The following DIPK1A variants were observed in gnomAD, a reference collection of about 807,000 sequenced individuals.
DIPK1A encodes divergent protein kinase domain 1A, also known as family with sequence similarity 69 member A.
In DIPK1A, 27 loss-of-function variants were observed where a neutral mutation model predicts 40.8. The observed-to-expected ratio is 0.66, with a 90% CI of 0.49 to 0.91. The LOEUF (loss-of-function observed/expected upper bound fraction) is 0.91, where lower values mean the gene tolerates loss of function less well. DIPK1A is among the 40% of genes least tolerant of loss of function. DIPK1A has a pLI of 0.00. For missense variants in DIPK1A, 412 were observed against 505.7 expected, an observed-to-expected ratio of 0.81 and a Z score of 1.78; for synonymous variants, 166 against 171.3, an observed-to-expected ratio of 0.97 and a Z score of 0.24.
intron 2 of DIPK1A, among the ~76,000 whole-genome samples, chr1:92,852,449 G>A (rs755831046): frequency 3.3e-5 from 5 of 150,840 alleles, no homozygotes; most frequent in Admixed American, 2.0e-4. Flanking sequence ...GCAGTGAGCC[G>A]AGATCACACC....
At chr1:92,887,254 T>TAAAAAA (rs60399090) in intron 1 of DIPK1A, among the ~76,000 whole-genome samples, 1 of 106,924 alleles carries the variant, frequency 9.4e-6, no homozygotes, top group African/African-American at 3.7e-5. Context: ...CCATCTCTAC[T>TAAAAAA]AAAAAAAAAA....
At chr1:92,902,409 A>T (rs1399165070) in intron 1 of DIPK1A, among the ~76,000 whole-genome samples, 3 of 152,118 alleles carry the variant, frequency 2.0e-5, no homozygotes. Flanking sequence ...TCAGGGATGA[A>T]GGGGAGCTGT....
chr1:92,889,591 T>A (rs1028403502), intron 1 of DIPK1A, among the ~76,000 whole-genome samples: 2 of 152,172 alleles, frequency 1.3e-5, no homozygotes, highest in African/African-American at 4.8e-5. Context: ...TTTGGTAGTA[T>A]GGTCAAGTTA....
intron 2 of DIPK1A, among the ~76,000 whole-genome samples, chr1:92,853,084 C>T (rs565556640): frequency 7.3e-5 from 11 of 151,292 alleles, no homozygotes; most frequent in South Asian, 6.3e-4. Flanking sequence ...CTTTGGAGGA[C>T]AAGGTTGAGA....
intron 4 of DIPK1A, chr1:92,833,492 C>G (rs370327480): frequency 4.3e-6 from 7 of 1,612,324 alleles, no homozygotes; most frequent in Non-Finnish European, 5.9e-6. Context: ...CAATATTAAT[C>G]TGCTTTGCAG....
chr1:92,894,232 A>G (rs1239518207), intron 1 of DIPK1A, among the ~76,000 whole-genome samples: 1 of 152,126 alleles, frequency 6.6e-6, no homozygotes, highest in East Asian at 1.9e-4. Context: ...ACCTATTCCA[A>G]AACTGACCAC....
intron 1 of DIPK1A, among the ~76,000 whole-genome samples, chr1:92,888,656 T>G (rs1337500879): frequency 6.6e-6 from 1 of 152,202 alleles, no homozygotes; most frequent in Non-Finnish European, 1.5e-5. Context: ...ACAAACAGTG[T>G]AAGAGAGTTC....
At chr1:92,952,326 G>A (rs1651666695) in intron 1 of DIPK1A, among the ~76,000 whole-genome samples, 1 of 152,104 alleles carries the variant, frequency 6.6e-6, no homozygotes. Context: ...TTACCCTAAA[G>A]GCTTTAGTTT....
chr1:92,882,244 T>C (rs924577960), intron 1 of DIPK1A, among the ~76,000 whole-genome samples: 1 of 152,122 alleles, frequency 6.6e-6, no homozygotes, highest in African/African-American at 2.4e-5. Context: ...AAAAATTAGC[T>C]GGGCATGATG....
chr1:92,836,342 T>A, intron 4 of DIPK1A: 3 of 1,614,132 alleles, frequency 1.9e-6, no homozygotes, highest in Non-Finnish European at 8.5e-7. Context: ...GCAATAAAGT[T>A]TTTGGTGCCC....
downstream of DIPK1A, chr1:92,841,797 A>G: frequency 6.2e-7 from 1 of 1,611,728 alleles, no homozygotes; most frequent in Non-Finnish European, 8.5e-7. Flanking sequence ...CCTTGCTCAG[A>G]AGAAGGATCG....
rs1359312516 is a variant in DIPK1A, at chr1:92,833,466, C to CA, written c.475-433dup. On this transcript the variant is annotated intron_variant, in intron 4 of 4. Transcript: ENST00000615519. Reference sequence around the variant, plus strand: ...AATTTAGAAGACGACGAGGTACTGTCACCTTTTTGTGTTTACAATATTAAT... The same window carrying CA: ...AATTTAGAAGACGACGAGGTACTGTCAACCTTTTTGTGTTTACAATATTAAT... 2 of 1,613,638 alleles carry CA rather than the reference C, an allele frequency of 1.2e-6. No individual in the cohort carries two copies. The highest frequency in any genetic ancestry group is 1.7e-6 in the Non-Finnish European group (2 of 1,179,708).
At chr1:92,922,585 T>C (rs1475511868) in intron 1 of DIPK1A, among the ~76,000 whole-genome samples, 1 of 152,208 alleles carries the variant, frequency 6.6e-6, no homozygotes, top group African/African-American at 2.4e-5. Flanking sequence ...ATGAGGATTC[T>C]AAGAACTCGG....
intron 1 of DIPK1A, among the ~76,000 whole-genome samples, chr1:92,885,583 T>C (rs2100791999): frequency 6.6e-6 from 1 of 152,332 alleles, no homozygotes; most frequent in Non-Finnish European, 1.5e-5. Flanking sequence ...CTCTAACTGC[T>C]GACCTCAGGT....
chr1:92,895,284 C>T (rs1649108056), intron 1 of DIPK1A, among the ~76,000 whole-genome samples: 1 of 152,038 alleles, frequency 6.6e-6, no homozygotes, highest in African/African-American at 2.4e-5. Context: ...AATCCAGCAG[C>T]ACATCAAAAA....
chr1:92,864,313 C>T (rs1647434607), intron 2 of DIPK1A, among the ~76,000 whole-genome samples: 1 of 152,142 alleles, frequency 6.6e-6, no homozygotes, highest in South Asian at 2.1e-4. Flanking sequence ...TAAACCATTA[C>T]CCAACAAATC....
intron 1 of DIPK1A, among the ~76,000 whole-genome samples, chr1:92,938,034 A>G (rs1305339353): frequency 6.6e-6 from 1 of 152,250 alleles, no homozygotes; most frequent in East Asian, 1.9e-4. Context: ...AAAATTAAAA[A>G]GGCATTAGAA....
At chr1:92,887,175 T>C (rs1648648177) in intron 1 of DIPK1A, among the ~76,000 whole-genome samples, 1 of 148,268 alleles carries the variant, frequency 6.7e-6, no homozygotes, top group South Asian at 2.1e-4. Flanking sequence ...TCCAGCACTT[T>C]AGGAGGCCAA....
intron 1 of DIPK1A, among the ~76,000 whole-genome samples, chr1:92,916,590 C>T (rs769348350): frequency 1.3e-4 from 20 of 152,200 alleles, no homozygotes; most frequent in Non-Finnish European, 2.4e-4. Context: ...GCATGAGCCA[C>T]TGCACCCGGC....
Sources: gnomAD v4.1 joint callset for allele counts (sites outside exome capture counted in the v4.1 genomes callset) on GRCh38, gnomAD v4.1.1 for gene constraint, MANE v1.5 for transcripts, NCBI Gene and HGNC (gene_info 2026-07-23, HGNC 2026-07-21) for gene names.